The following TANC2 variants were observed in gnomAD, a reference collection of about 807,000 sequenced individuals.
The protein encoded by TANC2 is tetratricopeptide repeat, ankyrin repeat and coiled-coil containing 2.
TANC2 carries 26 observed loss-of-function variants against 210.5 expected under a neutral mutation model. The observed-to-expected ratio is 0.12, with a 90% CI of 0.09 to 0.17. The LOEUF (loss-of-function observed/expected upper bound fraction) is 0.17, where lower values mean the gene tolerates loss of function less well. Among genes scored for constraint, TANC2 ranks in the 10% least tolerant of loss-of-function variants. TANC2 has a pLI of 1.00. For missense variants in TANC2, 2,129 were observed against 2,608.9 expected, an observed-to-expected ratio of 0.82 and a Z score of 4.01; for synonymous variants, 931 against 967.1, an observed-to-expected ratio of 0.96 and a Z score of 0.69.
At chr17:63,043,714 C>T (rs531707265) in intron 2 of TANC2, among the ~76,000 whole-genome samples, 6 of 152,242 alleles carry the variant, frequency 3.9e-5, no homozygotes, top group East Asian at 1.9e-4. Flanking sequence ...TTTTCTGCTA[C>T]ATCTTTCAAA....
At chr17:63,171,140 C>T (rs2040393142) in intron 5 of TANC2, among the ~76,000 whole-genome samples, 1 of 136,416 alleles carries the variant, frequency 7.3e-6, no homozygotes, top group Non-Finnish European at 1.5e-5. Context: ...GGCTGGAGTG[C>T]AGTGGTGCGA....
chr17:63,408,263 G>A (rs986211622), intron 21 of TANC2, among the ~76,000 whole-genome samples: 1 of 152,204 alleles, frequency 6.6e-6, no homozygotes, highest in African/African-American at 2.4e-5. Flanking sequence ...AATAAGGATA[G>A]AACAGTTAAA....
At chr17:63,048,146 T>C (rs2035449904) in intron 2 of TANC2, among the ~76,000 whole-genome samples, 2 of 152,092 alleles carry the variant, frequency 1.3e-5, no homozygotes. Context: ...CTTTCTAGGT[T>C]TTAGGAGTCT....
intron 9 of TANC2, among the ~76,000 whole-genome samples, chr17:63,283,267 T>C (rs1167599411): frequency 6.6e-6 from 1 of 152,016 alleles, no homozygotes; most frequent in East Asian, 1.9e-4. Context: ...TGTTAAAAAT[T>C]ATTCATCCAT....
chr17:63,406,362 AT>A, intron 21 of TANC2, 85 bp downstream of exon 21: 2 of 1,572,902 alleles, frequency 1.3e-6, no homozygotes, highest in Non-Finnish European at 8.7e-7. Flanking sequence ...ATCCCAGGAG[AT>A]GCTAAGAACA....
intron 5 of TANC2, among the ~76,000 whole-genome samples, chr17:63,183,702 T>C (rs903721115): frequency 2.6e-5 from 4 of 152,018 alleles, no homozygotes; most frequent in Non-Finnish European, 5.9e-5. Context: ...GTAAACTGAG[T>C]CTTTGTCATT....
intron 1 of TANC2, among the ~76,000 whole-genome samples, chr17:62,979,860 C>T (rs1040696909): frequency 2.6e-5 from 4 of 152,172 alleles, no homozygotes; most frequent in Non-Finnish European, 5.9e-5. Context: ...TGCAGTGAGT[C>T]GTGTTAGCAC....
At chr17:63,399,596 G>A (rs781063490) in intron 19 of TANC2, among the ~76,000 whole-genome samples, 3 of 152,158 alleles carry the variant, frequency 2.0e-5, no homozygotes, top group African/African-American at 4.8e-5. Flanking sequence ...AGTAACCTTG[G>A]ATGTGTTTTT....
At chr17:63,379,962 A>G in intron 15 of TANC2, 136 bp downstream of exon 15, 1 of 659,036 alleles carries the variant, frequency 1.5e-6, no homozygotes, top group Non-Finnish European at 2.6e-6. Flanking sequence ...CCCAACACGT[A>G]TGGCCTGTTC....
At chr17:63,245,519 A>G (rs1021121082) in intron 8 of TANC2, among the ~76,000 whole-genome samples, 1 of 151,966 alleles carries the variant, frequency 6.6e-6, no homozygotes, top group East Asian at 1.9e-4. Flanking sequence ...ACCAGCCTGA[A>G]CAACATGGTG....
At chr17:63,363,123 G>A (rs2047013407) in intron 14 of TANC2, among the ~76,000 whole-genome samples, 1 of 152,150 alleles carries the variant, frequency 6.6e-6, no homozygotes, top group African/African-American at 2.4e-5. Flanking sequence ...GTGATGATCA[G>A]TGATCATATA....
At chr17:63,314,732 A>G in intron 10 of TANC2, 63 bp downstream of exon 10, 3 of 1,567,010 alleles carry the variant, frequency 1.9e-6, no homozygotes, top group Non-Finnish European at 1.7e-6. Flanking sequence ...TGACATATTT[A>G]TATTAGGTCG....
At chr17:62,988,574 T>G (rs533813491) in intron 1 of TANC2, among the ~76,000 whole-genome samples, 1 of 152,300 alleles carries the variant, frequency 6.6e-6, no homozygotes, top group African/African-American at 2.4e-5. Flanking sequence ...GTATGAAGTT[T>G]ATGAAGTTTA....
intron 8 of TANC2, among the ~76,000 whole-genome samples, chr17:63,244,251 T>C (rs2042855625): frequency 6.6e-6 from 1 of 152,182 alleles, no homozygotes; most frequent in Non-Finnish European, 1.5e-5. Context: ...CCATGATGCT[T>C]GCTCTTGACT....
At chr17:63,186,519 A>AT (rs1307412391) in intron 5 of TANC2, among the ~76,000 whole-genome samples, 1 of 151,610 alleles carries the variant, frequency 6.6e-6, no homozygotes, top group East Asian at 1.9e-4. Flanking sequence ...CACCCGGCTA[A>AT]TTTTTTGTAT....
intron 15 of TANC2, among the ~76,000 whole-genome samples, chr17:63,385,987 G>A (rs1460787028): frequency 6.6e-6 from 1 of 152,156 alleles, no homozygotes; most frequent in Non-Finnish European, 1.5e-5. Flanking sequence ...GAAATAATTA[G>A]CACCATCCTT....
At chr17:63,084,399 T>G (rs1340072947) in intron 3 of TANC2, among the ~76,000 whole-genome samples, 1 of 152,050 alleles carries the variant, frequency 6.6e-6, no homozygotes, top group Admixed American at 6.5e-5. Context: ...GGCTAGAAGC[T>G]CCTCAATTTT....
chr17:63,060,675 A>G (rs868561700), intron 2 of TANC2, among the ~76,000 whole-genome samples: 24 of 152,226 alleles, frequency 1.6e-4, no homozygotes, highest in Admixed American at 3.3e-4. Flanking sequence ...TGCATATTTA[A>G]TCTCACCACT....
chr17:63,368,879 C>T (rs2047184192), intron 14 of TANC2, among the ~76,000 whole-genome samples: 1 of 152,202 alleles, frequency 6.6e-6, no homozygotes, highest in Non-Finnish European at 1.5e-5. Context: ...AGAGACTAAA[C>T]ATAGAAGAGA....
Sources: allele counts gnomAD v4.1 joint callset (sites outside exome capture counted in the v4.1 genomes callset), GRCh38; gene constraint gnomAD v4.1.1; transcripts MANE v1.5; gene names NCBI Gene and HGNC (gene_info 2026-07-23, HGNC 2026-07-21).